EFCAB6: variants seen among roughly 807,000 people sequenced by gnomAD.
EFCAB6 encodes the protein EF-hand calcium binding domain 6, also known as EF-hand calcium-binding domain-containing protein 6.
Under a neutral mutation model 169.8 loss-of-function variants are expected in EFCAB6, and 156 were observed. The ratio of observed to expected loss-of-function variants is 0.92; its 90% confidence interval spans 0.81 to 1.05. EFCAB6 has a LOEUF of 1.05. Ranked by LOEUF, EFCAB6 falls within the 50% of genes least tolerant of loss-of-function variation. The pLI, the probability that EFCAB6 is intolerant of heterozygous loss-of-function variation, is 0.00. For synonymous variants in EFCAB6, 698 were observed against 676.4 expected (o/e 1.03, Z -0.50); for missense variants, 1,800 against 1,829.1 (o/e 0.98, Z 0.29).
intron 10 of EFCAB6, among the ~76,000 whole-genome samples, chr22:43,702,620 C>T (rs529313016): frequency 6.6e-6 from 1 of 152,122 alleles, no homozygotes; most frequent in Non-Finnish European, 1.5e-5. Flanking sequence ...TCCCATCTCA[C>T]CTCAAAGGCA....
chr22:43,678,055 C>T lies in EFCAB6; in HGVS notation c.1360G>A (p.Gly454Arg), dbSNP rs866008494. Residue 454 changes from glycine to arginine, a missense_variant, in exon 13 of 32, where the codon GGG becomes AGG. By Grantham distance (125) the Gly-to-Arg change is moderately radical. Coordinates refer to ENST00000262726, the MANE Select transcript of EFCAB6 (RefSeq NM_022785.4). ...FKELMQMLDP[G>R]DTGVVNTSMF... is the part of the protein sequence containing the mutation. ...CTGGTGTTGACCACTCCAGTGTCCC[C>T]AGGGTCAAGCATTTGCATTAGTTCT... 1 of 1,613,956 alleles carries T rather than the reference C, an allele frequency of 6.2e-7. No homozygotes were observed. Among genetic ancestry groups the T allele is most frequent in the Non-Finnish European group, 8.5e-7 (1 of 1,179,986 alleles).
intron 24 of EFCAB6, among the ~76,000 whole-genome samples, chr22:43,589,849 T>C (rs183139124): frequency 6.6e-6 from 1 of 152,304 alleles, no homozygotes; most frequent in East Asian, 1.9e-4. Context: ...ATGGTGGCAC[T>C]GCTGCTAAGA....
At chr22:43,711,076 G>A (rs1306657978) in intron 10 of EFCAB6, among the ~76,000 whole-genome samples, 1 of 152,078 alleles carries the variant, frequency 6.6e-6, no homozygotes, top group Non-Finnish European at 1.5e-5. Flanking sequence ...GAAAACATGA[G>A]GCAAGCAGTT....
chr22:43,762,598 T>A (rs1381228190), intron 5 of EFCAB6, among the ~76,000 whole-genome samples: 1 of 152,200 alleles, frequency 6.6e-6, no homozygotes, highest in East Asian at 1.9e-4. Flanking sequence ...GAAAAAGAAG[T>A]CTCTGTTCGC....
chr22:43,781,471 G>A (rs1039110378), intron 3 of EFCAB6, among the ~76,000 whole-genome samples: 1 of 152,118 alleles, frequency 6.6e-6, no homozygotes, highest in African/African-American at 2.4e-5. Flanking sequence ...CTCTAGGCAT[G>A]TACCACTATG....
intron 24 of EFCAB6, among the ~76,000 whole-genome samples, chr22:43,583,773 T>C (rs144984442): frequency 1.3e-5 from 2 of 152,250 alleles, no homozygotes; most frequent in Non-Finnish European, 2.9e-5. Context: ...TCAGCAGATA[T>C]TAAATCTGCT....
chr22:43,803,684 T>C (rs573892028), intron 2 of EFCAB6, among the ~76,000 whole-genome samples: 1 of 152,146 alleles, frequency 6.6e-6, no homozygotes, highest in South Asian at 2.1e-4. Context: ...TAAACATTAC[T>C]AGATCTAAAA....
intron 6 of EFCAB6, among the ~76,000 whole-genome samples, chr22:43,750,060 G>A (rs1192091130): frequency 6.6e-6 from 1 of 152,006 alleles, no homozygotes; most frequent in African/African-American, 2.4e-5. Flanking sequence ...ACACCATGCT[G>A]CTTTAAACAT....
intron 22 of EFCAB6, among the ~76,000 whole-genome samples, chr22:43,604,880 C>T (rs867497346): frequency 2.6e-5 from 4 of 152,218 alleles, no homozygotes; most frequent in African/African-American, 7.2e-5. Flanking sequence ...GTTTCACACA[C>T]GCAAGGATCT....
chr22:43,736,870 C>G (rs2060160234), intron 6 of EFCAB6, among the ~76,000 whole-genome samples: 2 of 152,048 alleles, frequency 1.3e-5, no homozygotes, highest in Non-Finnish European at 2.9e-5. Flanking sequence ...CAATCCAGCC[C>G]CACGCTGCAG....
intron 10 of EFCAB6, among the ~76,000 whole-genome samples, chr22:43,704,052 G>C (rs2058862290): frequency 1.3e-5 from 2 of 151,976 alleles, no homozygotes; most frequent in African/African-American, 2.4e-5. Flanking sequence ...CCAAAGAGGA[G>C]GTCGCCAAGA....
intron 10 of EFCAB6, among the ~76,000 whole-genome samples, chr22:43,709,169 C>A (rs1029655179): frequency 6.6e-6 from 1 of 152,128 alleles, no homozygotes; most frequent in Non-Finnish European, 1.5e-5. Flanking sequence ...GCAACCTCTG[C>A]CTCCTGGGTT....
rs145207977 is a variant in EFCAB6 at position 43,668,979 on chromosome 22, T to C, written c.1707A>G (p.Ile569Met). The change falls in exon 16 of 32, where the codon ATA (isoleucine) becomes ATG (methionine). Residue 569 changes from isoleucine (I) to methionine (M), a missense_variant. By Grantham distance (10) the Ile-to-Met change is conservative (BLOSUM62 1). Transcript: ENST00000262726. ...RILYKKLLAC[I>M]GIDGPPTVSP... ...AGACAGTGGGTGGGCCATCAATTCCTATGCATGCCAAAAGTTTCTTGTAAA... is the reference window on the plus strand; with the variant it reads ...AGACAGTGGGTGGGCCATCAATTCCCATGCATGCCAAAAGTTTCTTGTAAA... 1.5e-4 allele frequency: 249 copies of C among 1,613,246 alleles called. No homozygotes were observed. In the African/African-American group the frequency reaches 2.0e-3, roughly 13 times the overall value.
chr22:43,629,390 C>A (rs1000802837), intron 19 of EFCAB6, among the ~76,000 whole-genome samples: 32 of 152,254 alleles, frequency 2.1e-4, no homozygotes, highest in Non-Finnish European at 4.3e-4. Flanking sequence ...CAGCATAACA[C>A]GGGAACATTA....
intron 11 of EFCAB6, 150 bp downstream of exon 11, chr22:43,687,321 A>T: frequency 3.8e-6 from 2 of 521,608 alleles, no homozygotes; most frequent in Non-Finnish European, 6.6e-6. Context: ...ATTTGTAAGC[A>T]GTAAATCACT....
intron 17 of EFCAB6, 57 bp downstream of exon 17, chr22:43,667,047 A>G (rs2057294155): frequency 6.4e-7 from 1 of 1,565,390 alleles, no homozygotes; most frequent in Non-Finnish European, 8.7e-7. Flanking sequence ...GTATGTTAGT[A>G]TAAGAAAACA....
At chr22:43,568,419 C>T (rs1231965827) in intron 26 of EFCAB6, among the ~76,000 whole-genome samples, 1 of 152,144 alleles carries the variant, frequency 6.6e-6, no homozygotes. Flanking sequence ...ATCACTGGTG[C>T]GACTCAACTC....
chr22:43,730,980 G>C (rs989770907), intron 8 of EFCAB6, among the ~76,000 whole-genome samples: 1 of 152,150 alleles, frequency 6.6e-6, no homozygotes, highest in Non-Finnish European at 1.5e-5. Context: ...CATTTTGAGC[G>C]AGTCATTCAG....
At chr22:43,574,735 G>A (rs192531147) in intron 26 of EFCAB6, among the ~76,000 whole-genome samples, 214 of 152,088 alleles carry the variant, frequency 1.4e-3, no homozygotes, top group Non-Finnish European at 2.3e-3. Flanking sequence ...AGGTATTTGC[G>A]ACGCACATGA....
Sources: allele counts gnomAD v4.1 joint callset (sites outside exome capture counted in the v4.1 genomes callset), GRCh38; gene constraint gnomAD v4.1.1; transcripts MANE v1.5; gene names NCBI Gene and HGNC (gene_info 2026-07-23, HGNC 2026-07-21).